Variants in DLG2 observed in about 807,000 individuals in gnomAD.
DLG2 encodes the protein discs large MAGUK scaffold protein 2.
A neutral mutation model predicts 132.5 loss-of-function variants in DLG2; 45 were observed. The ratio of observed to expected loss-of-function variants is 0.34; its 90% CI spans 0.27 to 0.44. The LOEUF is 0.44. Ranked by LOEUF, DLG2 falls within the 20% of genes least tolerant of loss-of-function variation. The pLI is 1.00. For synonymous variants in DLG2, 424 were observed against 419.6 expected (o/e 1.01, Z -0.13); for missense variants, 1,045 against 1,196.9 (o/e 0.87, Z 1.87).
chr11:84,104,277 A>C lies in DLG2; in HGVS notation c.625-5230T>G, dbSNP rs113027670. Among the ~76,000 whole-genome samples, 278 of 152,282 alleles carry C rather than the reference A, an allele frequency of 1.8e-3. 4 individuals are homozygous for C. The highest frequency in any genetic ancestry group is 6.4e-3 in the African/African-American group (264 of 41,572). ...AGAATAAAATCATATCCTTTGCAGC[A>C]ATATGGATGCAGCTGGAGGCCATTA... On this transcript the variant is annotated intron_variant, in intron 9 of 27. Coordinates refer to ENST00000376104, the MANE Select transcript of DLG2 (RefSeq NM_001142699.3).
At chr11:84,620,852 G>A (rs2099612601) in intron 6 of DLG2, among the ~76,000 whole-genome samples, 1 of 152,076 alleles carries the variant, frequency 6.6e-6, no homozygotes, top group Non-Finnish European at 1.5e-5. Flanking sequence ...TCAATCCTAA[G>A]GAAACTTGTG....
chr11:84,977,234 T>C (rs2154117661), intron 6 of DLG2, among the ~76,000 whole-genome samples: 1 of 152,286 alleles, frequency 6.6e-6, no homozygotes, highest in Middle Eastern at 3.4e-3. Flanking sequence ...GGTTCAATCC[T>C]TCTGAAGGAA....
At chr11:84,534,815 T>C in intron 6 of DLG2, 84 bp from the exon 7 acceptor site, 1 of 1,467,942 alleles carries the variant, frequency 6.8e-7, no homozygotes, top group Non-Finnish European at 9.5e-7. Context: ...TCTAACTTCA[T>C]CAATAGGACA....
intron 6 of DLG2, among the ~76,000 whole-genome samples, chr11:84,666,155 G>C (rs982326579): frequency 1.3e-5 from 2 of 152,034 alleles, no homozygotes; most frequent in African/African-American, 4.8e-5. Flanking sequence ...TTTCTGTAAG[G>C]GTGTTTGGGG....
intron 3 of DLG2, among the ~76,000 whole-genome samples, chr11:85,419,893 G>T (rs998208396): frequency 6.6e-6 from 1 of 152,118 alleles, no homozygotes; most frequent in Non-Finnish European, 1.5e-5. Context: ...CTTTAGCTAG[G>T]AGGAGTTTGT....
intron 6 of DLG2, among the ~76,000 whole-genome samples, chr11:84,999,984 A>C (rs768586943): frequency 4.4e-5 from 6 of 137,566 alleles, no homozygotes; most frequent in Non-Finnish European, 7.7e-5. Flanking sequence ...AGTCTTTACA[A>C]AAGATCTTAA....
intron 15 of DLG2, among the ~76,000 whole-genome samples, chr11:83,904,493 G>T (rs1426032326): frequency 6.6e-6 from 1 of 152,058 alleles, no homozygotes; most frequent in Admixed American, 6.6e-5. Flanking sequence ...CATCAGATCT[G>T]ATTATATAAT....
chr11:83,560,387 G>A (rs2096590999), intron 19 of DLG2, among the ~76,000 whole-genome samples: 1 of 152,078 alleles, frequency 6.6e-6, no homozygotes, highest in Admixed American at 6.6e-5. Flanking sequence ...CAAAGTGCTG[G>A]GATTATAGGT....
chr11:84,639,628 T>G (rs932205329), intron 6 of DLG2, among the ~76,000 whole-genome samples: 3 of 152,150 alleles, frequency 2.0e-5, no homozygotes, highest in Non-Finnish European at 4.4e-5. Flanking sequence ...TCAACTTACA[T>G]CTGCCTGCTA....
At chr11:84,831,904 T>C (rs1042068735) in intron 6 of DLG2, among the ~76,000 whole-genome samples, 1 of 151,676 alleles carries the variant, frequency 6.6e-6, no homozygotes, top group African/African-American at 2.4e-5. Flanking sequence ...GGCTTGCAAC[T>C]CACTTCAGGA....
At chr11:85,165,231 G>A (rs997559190) in intron 4 of DLG2, among the ~76,000 whole-genome samples, 1 of 152,152 alleles carries the variant, frequency 6.6e-6, no homozygotes, top group Non-Finnish European at 1.5e-5. Flanking sequence ...ACTATCAAGA[G>A]AACTTAGAAG....
chr11:83,722,846 T>C (rs1388581791), intron 18 of DLG2, among the ~76,000 whole-genome samples: 1 of 152,184 alleles, frequency 6.6e-6, no homozygotes, highest in Non-Finnish European at 1.5e-5. Context: ...CTTAAGGAAA[T>C]ACAGTTATAG....
intron 19 of DLG2, among the ~76,000 whole-genome samples, chr11:83,591,720 C>T (rs200278463): frequency 0.052 from 4,912 of 94,410 alleles, no homozygotes; most frequent in Non-Finnish European, 0.069. Context: ...TTGCAGATGA[C>T]ATGATTGTAT....
intron 21 of DLG2, among the ~76,000 whole-genome samples, chr11:83,486,444 C>G (rs780386791): frequency 6.6e-6 from 1 of 151,860 alleles, no homozygotes; most frequent in African/African-American, 2.4e-5. Flanking sequence ...AGGGACAATG[C>G]AGAAGGCTTT....
chr11:83,659,685 A>T (rs2073731620), intron 18 of DLG2, among the ~76,000 whole-genome samples: 1 of 152,230 alleles, frequency 6.6e-6, no homozygotes, highest in Non-Finnish European at 1.5e-5. Context: ...AAGGCTAAGT[A>T]AGCAGCTGAG....
chr11:84,326,608 T>C (rs2098434416), intron 7 of DLG2, among the ~76,000 whole-genome samples: 1 of 152,232 alleles, frequency 6.6e-6, no homozygotes, highest in Admixed American at 6.5e-5. Context: ...TCCATCTTCT[T>C]AAATTGGTTA....
intron 3 of DLG2, among the ~76,000 whole-genome samples, chr11:85,355,315 A>G (rs1394120104): frequency 2.0e-5 from 3 of 152,108 alleles, no homozygotes. Context: ...TTACTTTAAA[A>G]CATTTTTAAA....
Position 83,840,354 on chromosome 11 carries a change from A to G in DLG2, c.1566-6584T>C, listed in dbSNP as rs116382158. On this transcript the variant is annotated intron_variant, in intron 16 of 27. Transcript: ENST00000376104. ...CAGAAACTCAGGAAATAGGTATTAA[A>G]TGAATGGATAAACTCCCACAGTGAT... 5.2e-3 allele frequency among the ~76,000 whole-genome samples: 795 copies of G among 152,324 alleles called. 7 individuals are homozygous for G. Among genetic ancestry groups the G allele is most frequent in the African/African-American group, 0.018 (751 of 41,566 alleles).
chr11:83,564,102 G>GTTT (rs5793072), intron 19 of DLG2, among the ~76,000 whole-genome samples: 15 of 146,382 alleles, frequency 1.0e-4, no homozygotes, highest in African/African-American at 3.0e-4. Flanking sequence ...TTTTTCATGT[G>GTTT]TTTTTTTTTT....
Sources: allele counts gnomAD v4.1 joint callset (sites outside exome capture counted in the v4.1 genomes callset), GRCh38; gene constraint gnomAD v4.1.1; transcripts MANE v1.5; gene names NCBI Gene and HGNC (gene_info 2026-07-23, HGNC 2026-07-21).